Variants in CCL19 observed in about 807,000 individuals in gnomAD.
CCL19 encodes the protein C-C motif chemokine ligand 19, also known as C-C motif chemokine 19.
In CCL19, 5 loss-of-function variants were observed where a neutral mutation model predicts 9.7. The observed-to-expected ratio is 0.51, with a 90% CI of 0.27 to 1.08. The LOEUF is 1.08. CCL19 is among the 50% of genes least tolerant of loss of function. The pLI is 0.12. For synonymous variants in CCL19, 40 were observed against 47.4 expected, an observed-to-expected ratio of 0.84 and a Z score of 0.64; for missense variants, 90 against 122.5, an observed-to-expected ratio of 0.73 and a Z score of 1.25.
At chr9:34,691,047 C>G (rs1821786578) in intron 1 of CCL19, 44 bp downstream of exon 1, 2 of 1,537,822 alleles carry the variant, frequency 1.3e-6, no homozygotes, top group Non-Finnish European at 1.8e-6. Context: ...TACCCACTGC[C>G]AGCCCCCCAC....
chr9:34,690,424 CTGTG>C (rs74180568), intron 1 of CCL19, 82 bp from the exon 2 acceptor site: 39,579 of 604,198 alleles, frequency 0.066, 510 homozygotes, highest in African/African-American at 0.11. Flanking sequence ...TTGAGGACAC[CTGTG>C]TGTGTGTGTG....
chr9:34,690,105 T>A, intron 2 of CCL19, 82 bp from the exon 3 acceptor site: 1 of 1,587,906 alleles, frequency 6.3e-7, no homozygotes, highest in Non-Finnish European at 8.6e-7. Context: ...TTCAGGGATT[T>A]CCTTGAAGGG....
Position 34,691,057 on chromosome 9 carries a change from C to T in CCL19, c.49+34G>A, listed in dbSNP as rs1265799550. The T allele has an allele frequency of 5.1e-6, 8 of 1,571,204 alleles. No homozygotes were observed. The South Asian group carries it at 9.4e-5, about 18-fold the overall frequency. The stretch of plus-strand genomic sequence containing the variant: ...GACATTACCCACTGCCAGCCCCCCA[C>T]TGCCTCTGACCCTGACTCTCCCTTC... On this transcript the variant is annotated intron_variant, in intron 1 of 3. Transcript: ENST00000311925.
chr9:34,689,668 T>TCACACA lies in CCL19; in HGVS notation c.*145_*150dup. On this transcript the variant is annotated 3_prime_UTR_variant, in exon 4 of 4. Transcript: ENST00000311925. This position sits in a 1 kb window ranked among gnomAD's most constrained non-coding sequence, Gnocchi z 4.1. The stretch of plus-strand genomic sequence containing the variant: ...CTCACCCTCTCGCTCACACTCACAC[T>TCACACA]CACACACACCCCAGGCCCTGTCCTG... The TCACACA allele has an allele frequency of 7.2e-6, 6 of 836,316 alleles. No homozygotes were observed. The highest frequency in any genetic ancestry group is 1.2e-5 in the Non-Finnish European group (6 of 510,264). 51.8% of individuals were successfully genotyped at this position (836,316 alleles called of 1,614,324 possible).
In CCL19 at chr9:34,691,067, C is replaced by T. The variant is rs200418458; in HGVS notation, c.49+24G>A. ...ACTGCCAGCCCCCCACTGCCTCTGA[C>T]CCTGACTCTCCCTTCAGCCTTACCT... On this transcript the variant is annotated intron_variant, in intron 1 of 3. Coordinates refer to ENST00000311925, the MANE Select transcript of CCL19 (RefSeq NM_006274.3). 1.0e-4 allele frequency: 166 copies of T among 1,588,318 alleles called. 1 individual carries two copies. In the African/African-American group the frequency reaches 2.0e-3, roughly 20 times the overall value.
chr9:34,690,958 G>A (rs1484698124), intron 1 of CCL19, 133 bp downstream of exon 1: 32 of 755,044 alleles, frequency 4.2e-5, no homozygotes, highest in South Asian at 1.4e-4. Flanking sequence ...CAGGCTCACC[G>A]AAATATACAG....
chr9:34,690,129 T>C (rs1564112933), intron 2 of CCL19, 81 bp downstream of exon 2: 1 of 1,591,182 alleles, frequency 6.3e-7, no homozygotes, highest in African/African-American at 1.3e-5. Flanking sequence ...GGGCTTGGCA[T>C]GGAGAAGGGG....
Position 34,689,684 on chromosome 9 carries a change from C to T in CCL19, c.*135G>A. ...CACTCACACTCACACACACCCCAGG[C>T]CCTGTCCTGGCTGGTCAGGTCTGGT... is the stretch of plus-strand genomic sequence containing the variant. On this transcript the variant is annotated 3_prime_UTR_variant, in exon 4 of 4. Transcript: ENST00000311925. The surrounding 1 kb of genome is among the most constrained non-coding windows in gnomAD (Gnocchi z 4.1). 1 of 966,392 alleles carries T rather than the reference C, an allele frequency of 1.0e-6. No individual in the cohort carries two copies. 59.9% of individuals were successfully genotyped at this position (966,392 alleles called of 1,614,324 possible).
intron 1 of CCL19, 81 bp from the exon 2 acceptor site, chr9:34,690,423 CCTGTGTGTGTGT>C: frequency 2.2e-6 from 2 of 913,262 alleles, no homozygotes; most frequent in Non-Finnish European, 1.6e-6. Context: ...ATTGAGGACA[CCTGTGTGTGTGT>C]GTGTGTGTGT....
At position 34,691,172 on chromosome 9, in the gene CCL19, G is replaced by T; in HGVS notation, c.-33C>A. 3 of 1,608,002 alleles carry T rather than the reference G, an allele frequency of 1.9e-6. No individual in the cohort carries two copies. The highest frequency in any genetic ancestry group is 2.6e-6 in the Non-Finnish European group (3 of 1,175,666). The stretch of plus-strand genomic sequence containing the variant: ...GAACAGAGGCAGGCCAACGGTGAAT[G>T]TGTGAGCGCCAGCTGTCTGGGTGTG... On this transcript the variant is annotated 5_prime_UTR_variant, in exon 1 of 4. Coordinates refer to ENST00000311925, the MANE Select transcript of CCL19 (RefSeq NM_006274.3).
chr9:34,691,238 G>A lies in CCL19; in HGVS notation c.-99C>T, dbSNP rs1343509309. On this transcript the variant is annotated 5_prime_UTR_variant, in exon 1 of 4. Coordinates refer to ENST00000311925, the MANE Select transcript of CCL19 (RefSeq NM_006274.3). Reference sequence around the variant, plus strand: ...AGGCTGCAGGGCGACTGGGATGCAGGGGTGAAATGCAAGGTGTGAGTGATG... The same window carrying A: ...AGGCTGCAGGGCGACTGGGATGCAGAGGTGAAATGCAAGGTGTGAGTGATG... The A allele has an allele frequency of 2.0e-6, 2 of 1,009,446 alleles. No homozygotes were observed. The highest frequency in any genetic ancestry group is 2.6e-5 in the East Asian group (1 of 38,570). 62.5% of individuals were successfully genotyped at this position (1,009,446 alleles called of 1,614,324 possible). A position where few individuals can be genotyped will look rare whatever the true frequency, so the allele number is the denominator to read the frequency against.
Position 34,689,606 on chromosome 9 carries a change from T to G in CCL19, c.*213A>C. 2 of 578,470 alleles carry G rather than the reference T, an allele frequency of 3.5e-6. No individual in the cohort carries two copies. Among genetic ancestry groups the G allele is most frequent in the South Asian group, 4.7e-5 (2 of 42,388 alleles). 35.8% of individuals were successfully genotyped at this position (578,470 alleles called of 1,614,324 possible). A position where few individuals can be genotyped will look rare whatever the true frequency, so the allele number is the denominator to read the frequency against. On this transcript the variant is annotated 3_prime_UTR_variant, in exon 4 of 4. Coordinates refer to ENST00000311925, the MANE Select transcript of CCL19 (RefSeq NM_006274.3). The surrounding 1 kb of genome is among the most constrained non-coding windows in gnomAD (Gnocchi z 4.1). ...CACCAGGCGGCTTTATTGGTAGCAT[T>G]GCAATCTGGGGGTGGAGCAGCTTTA...
chr9:34,691,182 CA>C lies in CCL19; in HGVS notation c.-44del, dbSNP rs1459275259. ...AGGCCAACGGTGAATGTGTGAGCGCCAGCTGTCTGGGTGTGTGCAGGATCTG... is the reference window on the plus strand; with the variant it reads ...AGGCCAACGGTGAATGTGTGAGCGCCGCTGTCTGGGTGTGTGCAGGATCTG... On this transcript the variant is annotated 5_prime_UTR_variant, in exon 1 of 4. Coordinates refer to ENST00000311925, the MANE Select transcript of CCL19 (RefSeq NM_006274.3). 1.3e-6 allele frequency: 2 copies of C among 1,595,272 alleles called. No homozygotes were observed. The highest frequency in any genetic ancestry group is 2.2e-5 in the South Asian group (2 of 89,840).
At position 34,690,209 on chromosome 9, in the gene CCL19, C is replaced by T. The variant is rs1821777973; in HGVS notation, c.182+1G>A. ...GGCTAGACACCCTCCCCACAACTCACACTACAGCAGGCACCCTGCAGCCAT... is the reference window on the plus strand; with the variant it reads ...GGCTAGACACCCTCCCCACAACTCATACTACAGCAGGCACCCTGCAGCCAT... On this transcript the variant is annotated splice_donor_variant, in intron 2 of 3. Coordinates refer to ENST00000311925, the MANE Select transcript of CCL19 (RefSeq NM_006274.3). LOFTEE classifies it high-confidence loss of function. 1 of 1,614,124 alleles carries T rather than the reference C, an allele frequency of 6.2e-7. No individual in the cohort carries two copies. Among genetic ancestry groups the T allele is most frequent in the Non-Finnish European group, 8.5e-7 (1 of 1,179,984 alleles).
In CCL19 at chr9:34,689,805, T is replaced by G. The variant is rs1821773260; in HGVS notation, c.*14A>C. On this transcript the variant is annotated 3_prime_UTR_variant, in exon 4 of 4. Coordinates refer to ENST00000311925, the MANE Select transcript of CCL19 (RefSeq NM_006274.3). The surrounding 1 kb of genome is among the most constrained non-coding windows in gnomAD (Gnocchi z 4.1). The stretch of plus-strand genomic sequence containing the variant: ...CTTGACTCGGACTCCGGGCTCCCTC[T>G]GCACGGTCATAGGTTAACTGCTGCG... 6.2e-7 allele frequency: 1 copy of G among 1,614,124 alleles called. No individual in the cohort carries two copies. The highest frequency in any genetic ancestry group is 8.5e-7 in the Non-Finnish European group (1 of 1,180,008).
chr9:34,690,447 T>TGTGTGTGTGTGTGTGTGC, intron 1 of CCL19, 105 bp from the exon 2 acceptor site: 1 of 942,314 alleles, frequency 1.1e-6, no homozygotes, highest in Non-Finnish European at 1.6e-6. Flanking sequence ...TGTGTGTGTG[T>TGTGTGTGTGTGTGTGTGC]GTGTGTGTGT....
chr9:34,689,796 G>A lies in CCL19; in HGVS notation c.*23C>T. ...TTCACAATGCTTGACTCGGACTCCG[G>A]GCTCCCTCTGCACGGTCATAGGTTA... is the stretch of plus-strand genomic sequence containing the variant. On this transcript the variant is annotated 3_prime_UTR_variant, in exon 4 of 4. Coordinates refer to ENST00000311925, the MANE Select transcript of CCL19 (RefSeq NM_006274.3). This position sits in a 1 kb window ranked among gnomAD's most constrained non-coding sequence, Gnocchi z 4.1. 1 of 1,614,034 alleles carries A rather than the reference G, an allele frequency of 6.2e-7. No homozygotes were observed. Among genetic ancestry groups the A allele is most frequent in the Non-Finnish European group, 8.5e-7 (1 of 1,179,942 alleles).
rs1213603880 is a variant in CCL19, at chr9:34,689,778, T to C, written c.*41A>G. ...CCCCAGGTTAGGTAATAATTCACAA[T>C]GCTTGACTCGGACTCCGGGCTCCCT... On this transcript the variant is annotated 3_prime_UTR_variant, in exon 4 of 4. Transcript: ENST00000311925. The surrounding 1 kb of genome is among the most constrained non-coding windows in gnomAD (Gnocchi z 4.1). 2 of 1,613,164 alleles carry C rather than the reference T, an allele frequency of 1.2e-6. No individual in the cohort carries two copies. Among genetic ancestry groups the C allele is most frequent in the African/African-American group, 2.7e-5 (2 of 74,890 alleles).
intron 2 of CCL19, 74 bp downstream of exon 2, chr9:34,690,136 G>T: frequency 6.3e-7 from 1 of 1,593,608 alleles, no homozygotes. Context: ...GCATGGAGAA[G>T]GGGAATAAGA....
Sources: gnomAD v4.1 joint callset for allele counts on GRCh38, gnomAD v4.1.1 for gene constraint, Gnocchi (gnomAD v3.1) non-coding constraint, MANE v1.5 for transcripts, NCBI Gene and HGNC (gene_info 2026-07-23, HGNC 2026-07-21) for gene names.